SPEF2: variants seen among roughly 807,000 people sequenced by gnomAD.
SPEF2 encodes the protein sperm flagella and cilia-associated protein 2.
Under a neutral mutation model 224.6 loss-of-function variants are expected in SPEF2, and 187 were observed. That is an observed-to-expected ratio of 0.83 (90% CI 0.74 to 0.94). SPEF2 has a LOEUF of 0.94. Among genes scored for constraint, SPEF2 ranks in the 40% least tolerant of loss-of-function variants. The pLI is 0.00. For missense variants in SPEF2, 2,170 were observed against 2,135.6 expected, an observed-to-expected ratio of 1.02 and a Z score of -0.32; for synonymous variants, 715 against 707.3, an observed-to-expected ratio of 1.01 and a Z score of -0.17.
At chr5:35,712,966 T>G (rs990263796) in intron 20 of SPEF2, 80 bp downstream of exon 20, 1 of 1,295,140 alleles carries the variant, frequency 7.7e-7, no homozygotes, top group African/African-American at 1.5e-5. Context: ...TAGATTTGTA[T>G]AGTAGTATAC....
intron 30 of SPEF2, among the ~76,000 whole-genome samples, chr5:35,781,061 A>G (rs2149803748): frequency 6.6e-6 from 1 of 152,266 alleles, no homozygotes; most frequent in African/African-American, 2.4e-5. Context: ...AAAGATGTCA[A>G]CAGATAAATG....
At chr5:35,772,640 T>A (rs960290893) in intron 27 of SPEF2, among the ~76,000 whole-genome samples, 3 of 152,064 alleles carry the variant, frequency 2.0e-5, no homozygotes, top group African/African-American at 7.2e-5. Flanking sequence ...AGTGGGTCAG[T>A]GGCACTTGAA....
rs1260269018 is a variant in SPEF2 at position 35,661,253 on chromosome 5, A to G, written c.1167+2046A>G. Among the ~76,000 whole-genome samples the G allele has an allele frequency of 1.9e-3, 95 of 50,654 alleles. 1 individual carries two copies. The highest frequency in any genetic ancestry group is 7.1e-3 in the African/African-American group (91 of 12,760). The allele number at this position is 50,654 out of a possible 152,430, so 33.2% of individuals were successfully genotyped here. ...AAAGGAGGTTTTTTTTTTGGTATAT[A>G]TTATATATATATATATATATATATA... On this transcript the variant is annotated intron_variant, in intron 8 of 36. Transcript: ENST00000356031.
intron 25 of SPEF2, among the ~76,000 whole-genome samples, chr5:35,761,382 T>C (rs1751261760): frequency 6.6e-6 from 1 of 152,202 alleles, no homozygotes; most frequent in South Asian, 2.1e-4. Context: ...TATCAGAAGA[T>C]GAGATTGAGT....
intron 16 of SPEF2, 109 bp from the exon 17 acceptor site, chr5:35,704,445 G>T: frequency 4.8e-6 from 3 of 627,148 alleles, no homozygotes; most frequent in South Asian, 4.3e-5. Flanking sequence ...AGTAACACTG[G>T]ACCAAATACA....
intron 7 of SPEF2, among the ~76,000 whole-genome samples, chr5:35,656,284 A>C (rs926129673): frequency 6.6e-6 from 1 of 152,174 alleles, no homozygotes; most frequent in African/African-American, 2.4e-5. Context: ...GTTCGCTGAA[A>C]GGAAATAAAG....
At chr5:35,669,070 C>A (rs933975834) in intron 9 of SPEF2, among the ~76,000 whole-genome samples, 1 of 151,984 alleles carries the variant, frequency 6.6e-6, no homozygotes, top group Admixed American at 6.6e-5. Flanking sequence ...ATAATAACTC[C>A]TCATCCCCTT....
intron 8 of SPEF2, 71 bp downstream of exon 8, chr5:35,659,278 A>G (rs924116971): frequency 7.0e-7 from 1 of 1,421,406 alleles, no homozygotes; most frequent in African/African-American, 1.4e-5. Flanking sequence ...GTGGTAAACA[A>G]AGCTATATTT....
chr5:35,721,683 C>G (rs1034773631), intron 20 of SPEF2, among the ~76,000 whole-genome samples: 11 of 152,206 alleles, frequency 7.2e-5, no homozygotes, highest in African/African-American at 2.7e-4. Context: ...AAGTGCTTGT[C>G]TTTCTTTAGG....
intron 30 of SPEF2, among the ~76,000 whole-genome samples, chr5:35,783,839 T>C (rs1754690605): frequency 6.6e-6 from 1 of 152,206 alleles, no homozygotes; most frequent in South Asian, 2.1e-4. Flanking sequence ...GGAAGCAATT[T>C]GGATTCTGTT....
At chr5:35,679,052 C>T in intron 10 of SPEF2, among the ~76,000 whole-genome samples, 1 of 152,172 alleles carries the variant, frequency 6.6e-6, no homozygotes, top group Non-Finnish European at 1.5e-5. Context: ...ACAACAGAGG[C>T]TCTAAAAGTT....
rs371771314 is a variant in SPEF2, at chr5:35,759,842, T to C, written c.3620+123T>C. 35 of 986,144 alleles carry C rather than the reference T, an allele frequency of 3.5e-5. No homozygotes were observed. The African/African-American group carries it at 5.5e-4, about 15-fold the overall frequency. The allele number at this position is 986,144 out of a possible 1,614,324, so 61.1% of individuals were successfully genotyped here. On this transcript the variant is annotated intron_variant, in intron 25 of 36. Transcript: ENST00000356031. ...GCAAATCTAAGATCCAAAAAAGCTC[T>C]AATAACCAAACATGTTTTTTTTTTA... is the stretch of plus-strand genomic sequence containing the variant.
chr5:35,681,226 T>C (rs1432858797), intron 10 of SPEF2, among the ~76,000 whole-genome samples: 1 of 152,156 alleles, frequency 6.6e-6, no homozygotes, highest in Non-Finnish European at 1.5e-5. Context: ...AGAACAGCAA[T>C]TGTACAAAAT....
chr5:35,727,647 T>C lies in SPEF2; in HGVS notation c.2915-28T>C. 4 of 1,593,870 alleles carry C rather than the reference T, an allele frequency of 2.5e-6. No homozygotes were observed. In the South Asian group the frequency reaches 3.4e-5, roughly 13 times the overall value. ...ATTCTGTCCCATTCATTTACTTGTA[T>C]TGGAATAATTTGATATGCATGTTTA... On this transcript the variant is annotated intron_variant, in intron 20 of 36. Coordinates refer to ENST00000356031, the MANE Select transcript of SPEF2 (RefSeq NM_024867.4).
Position 35,716,244 on chromosome 5 carries a change from G to A in SPEF2, c.2914+3358G>A, listed in dbSNP as rs147386674. ...GGGTTTGTATAACTAGAGCTAATTG[G>A]TGAGTTAACACTGAGATAAAAGTTT... is the stretch of plus-strand genomic sequence containing the variant. On this transcript the variant is annotated intron_variant, in intron 20 of 36. Coordinates refer to ENST00000356031, the MANE Select transcript of SPEF2 (RefSeq NM_024867.4). Among the ~76,000 whole-genome samples, 702 of 152,026 alleles carry A rather than the reference G, an allele frequency of 4.6e-3. 6 individuals carry two copies. Among genetic ancestry groups the A allele is most frequent in the African/African-American group, 0.016 (684 of 41,488 alleles).
intron 8 of SPEF2, among the ~76,000 whole-genome samples, chr5:35,661,312 T>C (rs1470471516): frequency 7.2e-6 from 1 of 138,776 alleles, no homozygotes; most frequent in African/African-American, 2.6e-5. Flanking sequence ...TACACACATA[T>C]ATACACATAT....
At chr5:35,723,334 C>T (rs978425968) in intron 20 of SPEF2, among the ~76,000 whole-genome samples, 3 of 152,146 alleles carry the variant, frequency 2.0e-5, no homozygotes, top group Non-Finnish European at 2.9e-5. Flanking sequence ...GCATCTGCAT[C>T]ACCTGGAAAC....
intron 10 of SPEF2, among the ~76,000 whole-genome samples, chr5:35,676,633 G>A (rs1486716495): frequency 6.6e-6 from 1 of 152,006 alleles, no homozygotes; most frequent in African/African-American, 2.4e-5. Context: ...GGAGGCTAAG[G>A]CACAAGAATC....
intron 32 of SPEF2, among the ~76,000 whole-genome samples, chr5:35,793,759 C>CACACACACACAT (rs1554059228): frequency 0.039 from 5,581 of 141,824 alleles, 422 homozygotes; most frequent in East Asian, 0.083. Flanking sequence ...CACACACACA[C>CACACACACACAT]ACACACACAG....
Sources: gnomAD v4.1 joint callset for allele counts (sites outside exome capture counted in the v4.1 genomes callset) on GRCh38, gnomAD v4.1.1 for gene constraint, MANE v1.5 for transcripts, NCBI Gene and HGNC (gene_info 2026-07-23, HGNC 2026-07-21) for gene names.